SCN11A: variants seen among roughly 807,000 people sequenced by gnomAD.
SCN11A encodes sodium channel protein type 11 subunit alpha.
A neutral mutation model predicts 162.2 loss-of-function variants in SCN11A; 122 were observed. The observed-to-expected ratio is 0.75, with a 90% confidence interval of 0.65 to 0.87. The LOEUF is 0.87. Among genes scored for constraint, SCN11A ranks in the 40% least tolerant of loss-of-function variants. The pLI, the probability that SCN11A is intolerant of heterozygous loss-of-function variation, is 0.00. For missense variants in SCN11A, 2,015 were observed against 2,181.6 expected (o/e 0.92, Z 1.52); for synonymous variants, 758 against 751.5 (o/e 1.01, Z -0.14).
chr3:38,934,784 CT>C (rs1404282852), intron 7 of SCN11A, among the ~76,000 whole-genome samples: 1 of 152,012 alleles, frequency 6.6e-6, no homozygotes, highest in Non-Finnish European at 1.5e-5. Context: ...TAATGGGAGA[CT>C]TTAACACCCC....
intron 5 of SCN11A, 21 bp downstream of exon 5, chr3:38,950,075 C>CCCA (rs1553644461): frequency 9.2e-6 from 1 of 109,110 alleles, no homozygotes; most frequent in African/African-American, 3.8e-5. Flanking sequence ...CCCCACCCCC[C>CCCA]CCCCCCGCCC....
At chr3:38,864,987 T>G (rs1362316667) in intron 27 of SCN11A, among the ~76,000 whole-genome samples, 1 of 152,198 alleles carries the variant, frequency 6.6e-6, no homozygotes, top group Non-Finnish European at 1.5e-5. Flanking sequence ...GAACTCACAT[T>G]AAACTTTTTG....
intron 7 of SCN11A, among the ~76,000 whole-genome samples, chr3:38,929,131 G>GCGCGCGCACA (rs774058202): frequency 1.4e-4 from 5 of 36,994 alleles, no homozygotes; most frequent in African/African-American, 3.5e-4. Flanking sequence ...CTGGGTCTGT[G>GCGCGCGCACA]CACGCACACA....
intron 2 of SCN11A, among the ~76,000 whole-genome samples, chr3:38,974,912 G>A (rs572546675): frequency 2.7e-5 from 4 of 150,718 alleles, no homozygotes; most frequent in African/African-American, 9.8e-5. Context: ...CAATAACTAC[G>A]TGCAAAATAG....
chr3:38,896,256 T>G (rs2065596084), intron 18 of SCN11A, among the ~76,000 whole-genome samples: 1 of 152,146 alleles, frequency 6.6e-6, no homozygotes, highest in Non-Finnish European at 1.5e-5. Flanking sequence ...CCCCAATACC[T>G]CATTGAAGTT....
chr3:38,860,633 C>A (rs1314024058), intron 28 of SCN11A, among the ~76,000 whole-genome samples: 4 of 152,128 alleles, frequency 2.6e-5, no homozygotes, highest in Admixed American at 2.6e-4. Context: ...GAATTAAAAA[C>A]AAAAATCATA....
At chr3:38,887,109 C>T (rs114014568) in intron 19 of SCN11A, among the ~76,000 whole-genome samples, 384 of 152,236 alleles carry the variant, frequency 2.5e-3, no homozygotes, top group African/African-American at 9.0e-3. Flanking sequence ...TTTAAGTACA[C>T]GCCATGTTCT....
At chr3:38,927,761 T>A (rs983424188) in intron 7 of SCN11A, among the ~76,000 whole-genome samples, 2 of 152,052 alleles carry the variant, frequency 1.3e-5, no homozygotes, top group African/African-American at 4.8e-5. Flanking sequence ...AATGAAACTA[T>A]CAGATCTCAT....
chr3:38,971,127 T>G (rs999511582), intron 2 of SCN11A, among the ~76,000 whole-genome samples: 5 of 152,030 alleles, frequency 3.3e-5, no homozygotes, highest in African/African-American at 1.2e-4. Context: ...CCCATACACT[T>G]ACACACTCAC....
In SCN11A at chr3:38,968,064, G is replaced by A. The variant is rs530090892; in HGVS notation, c.-279-7641C>T. Among the ~76,000 whole-genome samples the A allele has an allele frequency of 1.8e-3, 271 of 152,332 alleles. 1 individual carries two copies. Among genetic ancestry groups the A allele is most frequent in the African/African-American group, 6.3e-3 (260 of 41,576 alleles). On this transcript the variant is annotated intron_variant, in intron 2 of 29. Coordinates refer to ENST00000302328, the MANE Select transcript of SCN11A (RefSeq NM_001349253.2). ...TCACACAGAATTCAAGGGGAGAGAA[G>A]CTTCTGACCCTCATGGAGTAGAACC...
At chr3:39,033,021 C>CG (rs1166912528) in intron 1 of SCN11A, among the ~76,000 whole-genome samples, 1 of 152,032 alleles carries the variant, frequency 6.6e-6, no homozygotes, top group Non-Finnish European at 1.5e-5. Flanking sequence ...GCTATGGTGG[C>CG]GGGCGCCCGT....
At chr3:39,006,215 C>A (rs890219124) in intron 2 of SCN11A, among the ~76,000 whole-genome samples, 11 of 152,174 alleles carry the variant, frequency 7.2e-5, no homozygotes, top group African/African-American at 2.7e-4. Flanking sequence ...ACTATGAAGT[C>A]CACACATGGC....
At chr3:39,016,253 G>T (rs983854994) in intron 2 of SCN11A, among the ~76,000 whole-genome samples, 1 of 152,150 alleles carries the variant, frequency 6.6e-6, no homozygotes, top group Non-Finnish European at 1.5e-5. Context: ...ATTGGCCATG[G>T]GCTGCCAGGG....
intron 19 of SCN11A, among the ~76,000 whole-genome samples, chr3:38,892,520 G>C (rs1254281251): frequency 2.0e-5 from 3 of 152,096 alleles, no homozygotes; most frequent in Non-Finnish European, 4.4e-5. Context: ...AATCACACCT[G>C]CAGGTAACTC....
chr3:38,986,871 G>A (rs2030265008), intron 2 of SCN11A, among the ~76,000 whole-genome samples: 1 of 152,136 alleles, frequency 6.6e-6, no homozygotes, highest in Admixed American at 6.5e-5. Flanking sequence ...TTGGAGCAAG[G>A]ATCTATAGAG....
intron 2 of SCN11A, among the ~76,000 whole-genome samples, chr3:39,020,672 C>G (rs2031427817): frequency 6.6e-6 from 1 of 152,178 alleles, no homozygotes; most frequent in African/African-American, 2.4e-5. Flanking sequence ...TTTATGCACC[C>G]TGGATGGGCT....
At chr3:38,867,669 T>C (rs1380770600) in intron 26 of SCN11A, among the ~76,000 whole-genome samples, 1 of 152,042 alleles carries the variant, frequency 6.6e-6, no homozygotes, top group Non-Finnish European at 1.5e-5. Flanking sequence ...CCTGGGGTGA[T>C]GGAAAATCGG....
intron 1 of SCN11A, among the ~76,000 whole-genome samples, chr3:39,036,220 T>C (rs952874112): frequency 2.0e-5 from 3 of 152,158 alleles, no homozygotes; most frequent in Admixed American, 1.3e-4. Context: ...ATCAGCTCAC[T>C]GCAACCTCCG....
At chr3:38,925,021 A>C (rs537166995) in intron 9 of SCN11A, among the ~76,000 whole-genome samples, 1 of 152,154 alleles carries the variant, frequency 6.6e-6, no homozygotes, top group East Asian at 1.9e-4. Flanking sequence ...ACTCTGTTTA[A>C]AACTGCAACC....
Sources: allele counts gnomAD v4.1 joint callset (sites outside exome capture counted in the v4.1 genomes callset), GRCh38; gene constraint gnomAD v4.1.1; transcripts MANE v1.5; gene names NCBI Gene and HGNC (gene_info 2026-07-23, HGNC 2026-07-21).